The following NFKB1 variants were observed in gnomAD, a reference collection of about 807,000 sequenced individuals.
NFKB1 encodes nuclear factor kappa B subunit 1.
NFKB1 carries 9 observed loss-of-function variants against 105.1 expected under a neutral mutation model. The ratio of observed to expected loss-of-function variants is 0.09; its 90% CI spans 0.05 to 0.15. The LOEUF is 0.15. NFKB1 is among the 10% of genes least tolerant of loss of function. The pLI, the probability that NFKB1 is intolerant of heterozygous loss-of-function variation, is 1.00. For synonymous variants in NFKB1, 440 were observed against 442.2 expected (o/e 1.00, Z 0.06); for missense variants, 830 against 1,203.7 (o/e 0.69, Z 4.59).
intron 5 of NFKB1, among the ~76,000 whole-genome samples, chr4:102,561,916 T>C (rs1475468609): frequency 6.6e-6 from 1 of 152,188 alleles, no homozygotes; most frequent in Non-Finnish European, 1.5e-5. Flanking sequence ...TGCCTGTCCC[T>C]TCCAATCACA....
At chr4:102,602,033 T>A (rs1457301389) in intron 16 of NFKB1, among the ~76,000 whole-genome samples, 4 of 152,150 alleles carry the variant, frequency 2.6e-5, no homozygotes, top group Admixed American at 2.0e-4. Flanking sequence ...ACTCCAAAAC[T>A]ATGGCCAAAA....
intron 4 of NFKB1, among the ~76,000 whole-genome samples, chr4:102,535,301 T>A (rs1025465032): frequency 6.6e-6 from 1 of 152,172 alleles, no homozygotes; most frequent in Non-Finnish European, 1.5e-5. Flanking sequence ...TTCATAAGCA[T>A]AGCACTACAA....
At position 102,612,092 on chromosome 4, in the gene NFKB1, G is replaced by A; in HGVS notation, c.2401G>A (p.Asp801Asn). ...ACCATATGAGCCAGAGTTTACATCT[G>A]ATGATTTACTAGCACAAGGTGGGTT... ...GKPYEPEFTS[D>N]DLLAQGDMKQ... is the part of the protein sequence containing the mutation. The change falls in exon 21 of 24, where the codon GAT (aspartate) becomes AAT (asparagine). Residue 801 changes from aspartate to asparagine, a missense_variant. Asp to Asn is a conservative substitution (Grantham distance 23, BLOSUM62 1). Around this residue, in one of 8 missense-constraint regions of NFKB1, gnomAD observed 418 missense variants for 575.3 expected, o/e 0.73. Coordinates refer to ENST00000226574, the MANE Select transcript of NFKB1 (RefSeq NM_003998.4). The A allele has an allele frequency of 6.2e-7, 1 of 1,614,042 alleles. No individual in the cohort carries two copies. Among genetic ancestry groups the A allele is most frequent in the South Asian group, 1.1e-5 (1 of 91,078 alleles).
intron 5 of NFKB1, among the ~76,000 whole-genome samples, chr4:102,551,361 T>TGCGCGC (rs1198296413): frequency 6.6e-5 from 5 of 75,318 alleles, no homozygotes; most frequent in Admixed American, 2.1e-4. Context: ...TGTGTGTGTG[T>TGCGCGC]GTGTGTGCGC....
chr4:102,616,656 A>C lies in NFKB1; in HGVS notation c.*62A>C. On this transcript the variant is annotated 3_prime_UTR_variant, in exon 24 of 24. Transcript: ENST00000226574. ...CCTAAAATTCCACTGCGTTGTCCACAAGACAGAAGCTGAAGTGCATCCAAA... is the reference window on the plus strand; with the variant it reads ...CCTAAAATTCCACTGCGTTGTCCACCAGACAGAAGCTGAAGTGCATCCAAA... 6.4e-7 allele frequency: 1 copy of C among 1,557,812 alleles called. No homozygotes were observed.
intron 5 of NFKB1, among the ~76,000 whole-genome samples, chr4:102,538,531 C>T (rs1187963912): frequency 6.6e-6 from 1 of 152,120 alleles, no homozygotes; most frequent in Admixed American, 6.6e-5. Context: ...CTGAAAGTAC[C>T]CTAGGGCCTT....
Position 102,607,175 on chromosome 4 carries a change from G to A in NFKB1, c.1980G>A (p.Met660Ile). The change falls in exon 18 of 24, where the codon ATG (methionine) becomes ATA (isoleucine). Residue 660 changes from methionine (M) to isoleucine (I), a missense_variant. Around this residue, in one of 8 missense-constraint regions of NFKB1, gnomAD observed 418 missense variants for 575.3 expected, o/e 0.73. Transcript: ENST00000226574. ...GTCTGAATGCCATTCATCTAGCCAT[G>A]ATGAGCAATAGCCTGCCATGTTTGC... ...GDGLNAIHLA[M>I]MSNSLPCLLL... The A allele has an allele frequency of 1.2e-6, 2 of 1,614,148 alleles. No homozygotes were observed. The highest frequency in any genetic ancestry group is 1.7e-6 in the Non-Finnish European group (2 of 1,180,028).
intron 23 of NFKB1, 39 bp from the exon 24 acceptor site, chr4:102,616,395 C>A: frequency 1.2e-6 from 2 of 1,607,052 alleles, no homozygotes; most frequent in South Asian, 2.2e-5. Flanking sequence ...TTTTAGAGCC[C>A]GGCCATTCCC....
At chr4:102,562,708 C>G (rs1723536768) in intron 5 of NFKB1, among the ~76,000 whole-genome samples, 1 of 152,188 alleles carries the variant, frequency 6.6e-6, no homozygotes, top group Non-Finnish European at 1.5e-5. Context: ...TCCCCGTTGA[C>G]ACAGCTAAGT....
intron 6 of NFKB1, among the ~76,000 whole-genome samples, chr4:102,569,141 C>A (rs186211703): frequency 6.6e-6 from 1 of 152,076 alleles, no homozygotes; most frequent in Non-Finnish European, 1.5e-5. Context: ...TTGTTTCTAT[C>A]TCTCTCTATA....
chr4:102,528,194 G>A (rs150372638), intron 2 of NFKB1, among the ~76,000 whole-genome samples: 4 of 152,004 alleles, frequency 2.6e-5, no homozygotes, highest in Admixed American at 6.6e-5. Flanking sequence ...TTGCCCACTC[G>A]CCAGTCATTT....
chr4:102,599,446 A>C (rs146010049), intron 15 of NFKB1, among the ~76,000 whole-genome samples: 194 of 152,298 alleles, frequency 1.3e-3, no homozygotes, highest in African/African-American at 4.4e-3. Flanking sequence ...GTGGCACCTG[A>C]TAGCTTATTT....
At chr4:102,607,532 G>GC in intron 18 of NFKB1, 117 bp from the exon 19 acceptor site, 1 of 1,217,330 alleles carries the variant, frequency 8.2e-7, no homozygotes, top group Non-Finnish European at 1.2e-6. Flanking sequence ...GACAGAGCCA[G>GC]CCCAAAGTAG....
rs1365780728 is a variant in NFKB1, at chr4:102,616,449, G to A, written c.2765G>A (p.Ser922Asn). 1.2e-6 allele frequency: 2 copies of A among 1,613,998 alleles called. No individual in the cohort carries two copies. The highest frequency in any genetic ancestry group is 1.7e-6 in the Non-Finnish European group (2 of 1,180,030). ...TRQQIDELRD[S>N]DSVCDSGVET... is the part of the protein sequence containing the mutation. ...CTCCCCTCAGACGAGCTCCGAGACA[G>A]TGACAGTGTCTGCGACAGCGGCGTG... The change falls in exon 24 of 24, where the codon AGT becomes AAT. Residue 922 changes from serine (S) to asparagine (N), a missense_variant. Around this residue, in one of 8 missense-constraint regions of NFKB1, gnomAD observed 418 missense variants for 575.3 expected, o/e 0.73. Coordinates refer to ENST00000226574, the MANE Select transcript of NFKB1 (RefSeq NM_003998.4).
At chr4:102,512,864 T>C (rs755903028) in intron 1 of NFKB1, among the ~76,000 whole-genome samples, 1 of 152,234 alleles carries the variant, frequency 6.6e-6, no homozygotes, top group Non-Finnish European at 1.5e-5. Flanking sequence ...TCTTTTTCTT[T>C]TAAAACATAA....
At chr4:102,529,613 T>C (rs191631457) in intron 2 of NFKB1, among the ~76,000 whole-genome samples, 1 of 152,314 alleles carries the variant, frequency 6.6e-6, no homozygotes, top group Non-Finnish European at 1.5e-5. Context: ...CTCAAATCCC[T>C]TTGTTACGTA....
chr4:102,567,407 A>G (rs1723968498), intron 6 of NFKB1, among the ~76,000 whole-genome samples: 1 of 152,196 alleles, frequency 6.6e-6, no homozygotes, highest in East Asian at 1.9e-4. Context: ...ATGATCACTT[A>G]TATGTGGTCA....
intron 22 of NFKB1, among the ~76,000 whole-genome samples, chr4:102,612,953 G>A (rs773991304): frequency 1.3e-5 from 2 of 152,068 alleles, no homozygotes; most frequent in Non-Finnish European, 2.9e-5. Context: ...CCCCATGGCA[G>A]GGCATTGAGT....
At chr4:102,538,470 A>C (rs1741782545) in intron 5 of NFKB1, among the ~76,000 whole-genome samples, 2 of 152,198 alleles carry the variant, frequency 1.3e-5, no homozygotes, top group African/African-American at 4.8e-5. Flanking sequence ...TATACTTCAT[A>C]AGGTCCTTTA....
Sources: allele counts gnomAD v4.1 joint callset (sites outside exome capture counted in the v4.1 genomes callset), GRCh38; gene constraint gnomAD v4.1.1; regional missense constraint gnomAD v4.1.1; transcripts MANE v1.5; gene names NCBI Gene and HGNC (gene_info 2026-07-23, HGNC 2026-07-21).